Variants in ABL1 observed in about 807,000 individuals in gnomAD.
The protein encoded by ABL1 is ABL proto-oncogene 1, non-receptor tyrosine kinase.
A neutral mutation model predicts 94.7 loss-of-function variants in ABL1; 11 were observed. The observed-to-expected ratio is 0.12, with a 90% CI of 0.07 to 0.19. The LOEUF (loss-of-function observed/expected upper bound fraction) is 0.19. Among genes scored for constraint, ABL1 ranks in the 10% least tolerant of loss-of-function variants. The pLI, the probability that ABL1 is intolerant of heterozygous loss-of-function variation, is 1.00. For missense variants in ABL1, 1,082 were observed against 1,489.4 expected, an observed-to-expected ratio of 0.73 and a Z score of 4.50; for synonymous variants, 656 against 622.4, an observed-to-expected ratio of 1.05 and a Z score of -0.80.
intron 1 of ABL1, among the ~76,000 whole-genome samples, chr9:130,776,248 T>C (rs927088472): frequency 2.0e-5 from 3 of 152,216 alleles, no homozygotes. Flanking sequence ...CTGAGTCCTG[T>C]TAATACTCAA....
In ABL1 at chr9:130,835,703, T is replaced by G. The variant is rs1314211271; in HGVS notation, c.79+178T>G. On this transcript the variant is annotated intron_variant, in intron 1 of 10. Coordinates refer to ENST00000318560, the MANE Select transcript of ABL1 (RefSeq NM_005157.6). The surrounding 1 kb of genome is among the most constrained non-coding windows in gnomAD (Gnocchi z 4.6). ...TCAGTTCTCTTATATTCTGTCTCTC[T>G]TTCTTTCTCTCTGTGTCTGTCTCTT... Among the ~76,000 whole-genome samples the G allele has an allele frequency of 6.6e-6, 1 of 152,162 alleles. No homozygotes were observed. The highest frequency in any genetic ancestry group is 2.4e-5 in the African/African-American group (1 of 41,454).
In ABL1 at chr9:130,884,841, G is replaced by A. The variant is rs779686920; in HGVS notation, c.2551G>A (p.Val851Met). The A allele has an allele frequency of 3.7e-6, 6 of 1,605,146 alleles. No homozygotes were observed. The African/African-American group carries it at 8.0e-5, about 21-fold the overall frequency. Residue 851 changes from valine to methionine, a missense_variant, in exon 11 of 11, where the codon GTG becomes ATG. By Grantham distance (21) the Val-to-Met change is conservative. Around this residue, in one of 7 missense-constraint regions of ABL1, gnomAD observed 780 missense variants for 835.8 expected, o/e 0.93. Coordinates refer to ENST00000318560, the MANE Select transcript of ABL1 (RefSeq NM_005157.6). This position sits in a 1 kb window ranked among gnomAD's most constrained non-coding sequence, Gnocchi z 5.6. Reference protein sequence around the residue: ...ALGTPAAAEPVTPTSKAGSGA... With the variant: ...ALGTPAAAEPMTPTSKAGSGA... ...AGGGACCCCTGCTGCAGCTGAGCCA[G>A]TGACCCCCACCAGCAAAGCAGGCTC...
At chr9:130,730,207 T>C (rs1831646198) in intron 1 of ABL1, among the ~76,000 whole-genome samples, 1 of 151,918 alleles carries the variant, frequency 6.6e-6, no homozygotes, top group East Asian at 1.9e-4. Context: ...CAAACCCAGC[T>C]AATTTTGTGT....
chr9:130,870,497 C>G (rs897967040), intron 4 of ABL1, among the ~76,000 whole-genome samples: 1 of 152,112 alleles, frequency 6.6e-6, no homozygotes, highest in Non-Finnish European at 1.5e-5. Context: ...TTCTTAAAGC[C>G]CCAGTCCTAT....
intron 1 of ABL1, among the ~76,000 whole-genome samples, chr9:130,801,435 C>T (rs1444954490): frequency 6.6e-6 from 1 of 152,138 alleles, no homozygotes; most frequent in Non-Finnish European, 1.5e-5. Flanking sequence ...ACCATGTTGG[C>T]CAGGATGGTC....
At position 130,884,771 on chromosome 9, in the gene ABL1, C is replaced by T. The variant is rs1831538984; in HGVS notation, c.2481C>T (p.Ala827=). 3 of 1,611,518 alleles carry T rather than the reference C, an allele frequency of 1.9e-6. No individual in the cohort carries two copies. The change falls in exon 11 of 11, where the codon GCC becomes GCT. Residue 827 remains alanine (A), a synonymous_variant. Coordinates refer to ENST00000318560, the MANE Select transcript of ABL1 (RefSeq NM_005157.6). The surrounding 1 kb of genome is among the most constrained non-coding windows in gnomAD (Gnocchi z 5.6). ...GGCGGCAGGTCACCGTGGCCCCTGC[C>T]TCGGGCCTCCCCCACAAGGAAGAAG... The part of the protein sequence containing the change: ...PLRRQVTVAP[A]SGLPHKEEAG...
intron 1 of ABL1, among the ~76,000 whole-genome samples, chr9:130,735,957 A>T (rs2034000): frequency 0.055 from 2,413 of 43,780 alleles, 52 homozygotes; most frequent in Middle Eastern, 0.15. Flanking sequence ...ATATATATAT[A>T]TATATTTTTT....
intron 1 of ABL1, among the ~76,000 whole-genome samples, chr9:130,748,277 C>T (rs1345496996): frequency 1.3e-5 from 2 of 152,142 alleles, no homozygotes; most frequent in Non-Finnish European, 2.9e-5. Flanking sequence ...CAGATCACGC[C>T]TTTGTCGTTA....
intron 1 of ABL1, among the ~76,000 whole-genome samples, chr9:130,734,523 C>CTT (rs1381752821): frequency 1.8e-4 from 20 of 112,576 alleles, no homozygotes; most frequent in South Asian, 5.9e-4. Flanking sequence ...CCTGAATCTT[C>CTT]TTTTTTTTTT....
Position 130,840,709 on chromosome 9 carries a change from GGGTCTCACTATGTCGCCCAGGCT to G in ABL1, c.79+5192_79+5214del, listed in dbSNP as rs561727004. Among the ~76,000 whole-genome samples the G allele has an allele frequency of 8.0e-4, 121 of 152,116 alleles. 1 individual carries two copies. In the East Asian group the frequency reaches 0.021, roughly 26 times the overall value. On this transcript the variant is annotated intron_variant, in intron 1 of 10. Coordinates refer to ENST00000318560, the MANE Select transcript of ABL1 (RefSeq NM_005157.6). ...TTTTTTAATTAAAAAAAATAGAGAT[GGGTCTCACTATGTCGCCCAGGCT>G]GGTCTCAAACTCCTGGGCTCAAGCA...
At chr9:130,833,098 TA>T (rs1254936189), upstream of ABL1, among the ~76,000 whole-genome samples, 5 of 151,608 alleles carry the variant, frequency 3.3e-5, no homozygotes, top group African/African-American at 9.7e-5. Flanking sequence ...ATAATTAGCT[TA>T]AAAAAATAAA....
chr9:130,795,564 C>T (rs903701571), intron 1 of ABL1, among the ~76,000 whole-genome samples: 3 of 152,138 alleles, frequency 2.0e-5, no homozygotes, highest in Admixed American at 1.3e-4. Flanking sequence ...GCAAAACTGA[C>T]CACATTCTTT....
intron 1 of ABL1, among the ~76,000 whole-genome samples, chr9:130,730,045 A>ATTTTTTTTTTTTTTTT (rs1180765530): frequency 5.4e-5 from 3 of 55,330 alleles, no homozygotes; most frequent in African/African-American, 3.9e-4. Flanking sequence ...GCCCAGCCAG[A>ATTTTTTTTTTTTTTTT]CTTTTTTTTT....
intron 1 of ABL1, among the ~76,000 whole-genome samples, chr9:130,797,236 G>GGAAAAAAAAAAA (rs1491324780): frequency 1.8e-5 from 1 of 55,168 alleles, no homozygotes; most frequent in African/African-American, 5.9e-5. Context: ...ACTCCATCTC[G>GGAAAAAAAAAAA]AAAAAAAAAA....
intron 1 of ABL1, among the ~76,000 whole-genome samples, chr9:130,742,230 G>A (rs72765031): frequency 0.019 from 2,843 of 152,226 alleles, 48 homozygotes; most frequent in African/African-American, 0.043. Flanking sequence ...ATGCCATTTT[G>A]GGGATTATGC....
intron 1 of ABL1, among the ~76,000 whole-genome samples, chr9:130,769,027 A>G (rs541886721): frequency 1.6e-4 from 25 of 152,240 alleles, no homozygotes; most frequent in African/African-American, 5.3e-4. Context: ...TGAGAGTGGA[A>G]TGGATCGGGG....
intron 1 of ABL1, among the ~76,000 whole-genome samples, chr9:130,728,868 A>T (rs1045171678): frequency 1.3e-5 from 2 of 152,020 alleles, no homozygotes; most frequent in African/African-American, 4.8e-5. Context: ...GTACATTATG[A>T]GTCAGATTTT....
intron 1 of ABL1, among the ~76,000 whole-genome samples, chr9:130,764,860 G>T (rs1015252971): frequency 2.6e-5 from 4 of 152,082 alleles, no homozygotes; most frequent in Non-Finnish European, 5.9e-5. Flanking sequence ...GGAGGCTGAG[G>T]TGGGAGAATC....
chr9:130,827,450 C>T (rs1830440382), intron 1 of ABL1, among the ~76,000 whole-genome samples: 1 of 152,162 alleles, frequency 6.6e-6, no homozygotes, highest in Admixed American at 6.6e-5. Context: ...TTTAGTTGCT[C>T]ATTCATAGAG....
Sources: gnomAD v4.1 joint callset for allele counts (sites outside exome capture counted in the v4.1 genomes callset) on GRCh38, gnomAD v4.1.1 for gene constraint, gnomAD v4.1.1 regional missense constraint, Gnocchi (gnomAD v3.1) non-coding constraint, MANE v1.5 for transcripts, NCBI Gene and HGNC (gene_info 2026-07-23, HGNC 2026-07-21) for gene names.